CA5A: variants seen among roughly 807,000 people sequenced by gnomAD.
CA5A encodes carbonic anhydrase 5A, mitochondrial.
A neutral mutation model predicts 37.1 loss-of-function variants in CA5A; 28 were observed. The observed-to-expected ratio is 0.75, with a 90% CI of 0.56 to 1.03. CA5A has a LOEUF of 1.03. Among genes scored for constraint, CA5A ranks in the 50% least tolerant of loss-of-function variants. CA5A has a pLI of 0.00. For synonymous variants in CA5A, 171 were observed against 158.4 expected, an observed-to-expected ratio of 1.08 and a Z score of -0.60; for missense variants, 444 against 399.9, an observed-to-expected ratio of 1.11 and a Z score of -0.94.
At chr16:87,917,105 A>C (rs1482367487) in intron 2 of CA5A, among the ~76,000 whole-genome samples, 2 of 68,360 alleles carry the variant, frequency 2.9e-5, no homozygotes, top group South Asian at 4.3e-4. Context: ...AGTCTGTCTC[A>C]AAAAAAAAAA....
intron 2 of CA5A, among the ~76,000 whole-genome samples, chr16:87,921,568 T>A (rs1307192652): frequency 1.3e-5 from 2 of 152,210 alleles, no homozygotes; most frequent in Non-Finnish European, 2.9e-5. Flanking sequence ...CTGCAGCCAG[T>A]GACAGGGCTG....
At chr16:87,902,068 C>T (rs1354122051) in intron 4 of CA5A, 94 bp from the exon 5 acceptor site, 1 of 1,165,630 alleles carries the variant, frequency 8.6e-7, no homozygotes, top group African/African-American at 1.5e-5. Context: ...TAAAAGCAAT[C>T]CTAGGCCAGG....
intron 4 of CA5A, 77 bp downstream of exon 4, chr16:87,902,348 G>C: frequency 1.2e-6 from 1 of 828,888 alleles, no homozygotes; most frequent in Non-Finnish European, 2.0e-6. Context: ...AGCGAGTCCT[G>C]TCTCAAAAAA....
downstream of CA5A, chr16:87,885,891 C>T (rs1433025110): frequency 6.6e-6 from 1 of 152,288 alleles, no homozygotes; most frequent in Non-Finnish European, 1.5e-5. Context: ...TGGTCTACCT[C>T]CTTCCATCAG....
Position 87,924,184 on chromosome 16 carries a change from A to C in CA5A, c.340+2564T>G, listed in dbSNP as rs145620506. The C allele has an allele frequency of 6.1e-6, 6 of 985,462 alleles. 1 individual carries two copies. Among genetic ancestry groups the C allele is most frequent in the Middle Eastern group, 5.2e-4 (1 of 1,914 alleles). The allele number at this position is 985,462 out of a possible 1,614,324, so 61.0% of individuals were successfully genotyped here. On this transcript the variant is annotated intron_variant, in intron 2 of 6. Coordinates refer to ENST00000649794, the MANE Select transcript of CA5A (RefSeq NM_001739.2). ...TCCGAGCTGGTCTTGTCCTTCCAAG[A>C]AGTTGCACTTTGCTTACGTTGGCTG...
Position 87,911,391 on chromosome 16 carries a change from A to G in CA5A, c.341-6487T>C, listed in dbSNP as rs1235343108. 3.3e-5 allele frequency among the ~76,000 whole-genome samples: 5 copies of G among 152,208 alleles called. No homozygotes were observed. Among genetic ancestry groups the G allele is most frequent in the Non-Finnish European group, 7.3e-5 (5 of 68,036 alleles). On this transcript the variant is annotated intron_variant, in intron 2 of 6. Coordinates refer to ENST00000649794, the MANE Select transcript of CA5A (RefSeq NM_001739.2). The surrounding 1 kb of genome is among the most constrained non-coding windows in gnomAD (Gnocchi z 4.6). ...AGAGAATATTGTCTCTGCTATTACAACAGATGCTGTTAATAGCCATCTATT... is the reference window on the plus strand; with the variant it reads ...AGAGAATATTGTCTCTGCTATTACAGCAGATGCTGTTAATAGCCATCTATT...
intron 2 of CA5A, among the ~76,000 whole-genome samples, chr16:87,920,352 G>C (rs576927633): frequency 1.5e-4 from 23 of 152,152 alleles, no homozygotes; most frequent in Non-Finnish European, 2.8e-4. Flanking sequence ...TCGCTCTGTC[G>C]CCCAGGCTGG....
chr16:87,935,663 G>A (rs1260508195), intron 1 of CA5A, among the ~76,000 whole-genome samples: 1 of 151,922 alleles, frequency 6.6e-6, no homozygotes, highest in Non-Finnish European at 1.5e-5. Context: ...ATCACCTGAG[G>A]TCAGGAGTTC....
chr16:87,891,918 T>C lies in CA5A; in HGVS notation c.655A>G (p.Thr219Ala), dbSNP rs148496007. 545 of 1,560,948 alleles carry C rather than the reference T, an allele frequency of 3.5e-4. 3 individuals are homozygous for C. In the African/African-American group the frequency reaches 6.4e-3, roughly 18 times the overall value. The stretch of plus-strand genomic sequence containing the variant: ...TAATCCCAGCAGGTGGGCAGCAGAG[T>C]GGAGGGGTCGAAGGGGCGCATGGCC... ...RAAMRPFDPS[T>A]LLPTCWDYWT... The change falls in exon 6 of 7, where the codon ACT (threonine) becomes GCT (alanine). Residue 219 changes from threonine (T) to alanine (A), a missense_variant. Thr to Ala is a moderately conservative substitution (Grantham distance 58, BLOSUM62 0). Coordinates refer to ENST00000649794, the MANE Select transcript of CA5A (RefSeq NM_001739.2).
intron 2 of CA5A, among the ~76,000 whole-genome samples, chr16:87,908,671 G>C (rs2056001154): frequency 6.6e-6 from 1 of 152,210 alleles, no homozygotes; most frequent in South Asian, 2.1e-4. Context: ...TGTGAGCCCT[G>C]AGCCTCTGCA....
intron 5 of CA5A, among the ~76,000 whole-genome samples, chr16:87,892,562 A>T (rs1597542960): frequency 6.8e-6 from 1 of 146,622 alleles, no homozygotes; most frequent in Non-Finnish European, 1.5e-5. Context: ...TAATAAATTA[A>T]TTAATAATAA....
chr16:87,915,727 G>C (rs2056130858), intron 2 of CA5A, among the ~76,000 whole-genome samples: 1 of 139,784 alleles, frequency 7.2e-6, no homozygotes, highest in African/African-American at 2.6e-5. Context: ...AAAAACTATT[G>C]TTTATGCCAT....
chr16:87,933,061 C>T (rs1331047176), intron 1 of CA5A, among the ~76,000 whole-genome samples: 1 of 152,230 alleles, frequency 6.6e-6, no homozygotes, highest in African/African-American at 2.4e-5. Flanking sequence ...CCTGCACCCA[C>T]CCAGAGTGGG....
chr16:87,913,524 C>G (rs190485773), intron 2 of CA5A, among the ~76,000 whole-genome samples: 6 of 152,096 alleles, frequency 3.9e-5, no homozygotes, highest in Non-Finnish European at 5.9e-5. Flanking sequence ...GGCTGTTTTG[C>G]GTGTGCTAGA....
chr16:87,896,299 T>A (rs1466571260), intron 5 of CA5A, among the ~76,000 whole-genome samples: 20 of 152,296 alleles, frequency 1.3e-4, no homozygotes, highest in Admixed American at 1.0e-3. Flanking sequence ...CGGGTAGGTT[T>A]CTTGCCAATT....
chr16:87,888,515 C>G (rs2143890136), intron 6 of CA5A, among the ~76,000 whole-genome samples: 1 of 152,242 alleles, frequency 6.6e-6, no homozygotes, highest in East Asian at 1.9e-4. Flanking sequence ...GGAGGGTACT[C>G]AAGCAGCCCC....
chr16:87,905,683 C>T (rs544992082), intron 2 of CA5A, among the ~76,000 whole-genome samples: 1 of 152,348 alleles, frequency 6.6e-6, no homozygotes, highest in South Asian at 2.1e-4. Flanking sequence ...AATAAGAAGA[C>T]CCTGAGCTGT....
At chr16:87,923,522 C>A in intron 2 of CA5A, 1 of 984,194 alleles carries the variant, frequency 1.0e-6, no homozygotes, top group Non-Finnish European at 1.2e-6. Flanking sequence ...GTCCACATAC[C>A]TTCCTCCTTC....
At chr16:87,923,708 C>A in intron 2 of CA5A, 1 of 985,268 alleles carries the variant, frequency 1.0e-6, no homozygotes, top group Non-Finnish European at 1.2e-6. Context: ...AACAAAAGTC[C>A]AAAATAACCT....
Sources: gnomAD v4.1 joint callset for allele counts (sites outside exome capture counted in the v4.1 genomes callset) on GRCh38, gnomAD v4.1.1 for gene constraint, Gnocchi (gnomAD v3.1) non-coding constraint, MANE v1.5 for transcripts, NCBI Gene and HGNC (gene_info 2026-07-23, HGNC 2026-07-21) for gene names.